SAMTOR: variants seen among roughly 807,000 people sequenced by gnomAD.
SAMTOR encodes UPF0532 protein C7orf60.
chr7:112,867,397 T>G, the SAMTOR span, among the ~76,000 whole-genome samples: 1 of 149,062 alleles, frequency 6.7e-6, no homozygotes, highest in Admixed American at 6.6e-5. Context: ...GCATGAGGCA[T>G]AATTAATAAT....
the SAMTOR span, among the ~76,000 whole-genome samples, chr7:112,884,204 T>C: frequency 3.3e-5 from 5 of 152,180 alleles, no homozygotes; most frequent in African/African-American, 7.2e-5. Flanking sequence ...GTGGGGATTA[T>C]AGGAACTAGA....
the SAMTOR span, among the ~76,000 whole-genome samples, chr7:112,833,785 T>C: frequency 1.3e-5 from 2 of 152,198 alleles, no homozygotes; most frequent in African/African-American, 2.4e-5. Context: ...GTCAGCAATA[T>C]ACTAAGCCTA....
At chr7:112,847,528 C>T in the SAMTOR span, among the ~76,000 whole-genome samples, 3 of 150,968 alleles carry the variant, frequency 2.0e-5, no homozygotes, top group Non-Finnish European at 4.4e-5. Context: ...CCTGTAATCC[C>T]AGCATTTTGA....
the SAMTOR span, among the ~76,000 whole-genome samples, chr7:112,878,191 C>T: frequency 2.0e-5 from 3 of 152,104 alleles, no homozygotes; most frequent in Non-Finnish European, 4.4e-5. Flanking sequence ...ACTGCTTCAT[C>T]CATGACATTT....
the SAMTOR span, among the ~76,000 whole-genome samples, chr7:112,924,806 A>C: frequency 1.4e-5 from 1 of 73,814 alleles, no homozygotes; most frequent in Admixed American, 1.7e-4. Context: ...ATTTTAATAT[A>C]ATGGCCAATG....
the SAMTOR span, among the ~76,000 whole-genome samples, chr7:112,913,481 C>A: frequency 3.3e-5 from 5 of 152,136 alleles, no homozygotes; most frequent in African/African-American, 1.2e-4. Context: ...CCCTTACTGA[C>A]ACCCTTGCCC....
At chr7:112,874,574 A>G in the SAMTOR span, among the ~76,000 whole-genome samples, 1 of 152,124 alleles carries the variant, frequency 6.6e-6, no homozygotes, top group South Asian at 2.1e-4. Context: ...GTATCAAGAG[A>G]AGCCCAAACC....
At chr7:112,863,587 GAAA>G in the SAMTOR span, among the ~76,000 whole-genome samples, 2 of 149,420 alleles carry the variant, frequency 1.3e-5, no homozygotes, top group African/African-American at 4.9e-5. Context: ...AAATTTACAA[GAAA>G]AAAAACAACT....
At chr7:112,825,719 T>C in the SAMTOR span, among the ~76,000 whole-genome samples, 1 of 152,212 alleles carries the variant, frequency 6.6e-6, no homozygotes, top group Non-Finnish European at 1.5e-5. Flanking sequence ...AAATGCTAAA[T>C]AGAAGCTGTA....
chr7:112,826,794 T>G, the SAMTOR span, among the ~76,000 whole-genome samples: 2 of 152,188 alleles, frequency 1.3e-5, no homozygotes, highest in African/African-American at 4.8e-5. Flanking sequence ...TCTATGCATT[T>G]TGATATCTTG....
the SAMTOR span, among the ~76,000 whole-genome samples, chr7:112,866,465 T>C: frequency 1.3e-5 from 2 of 152,218 alleles, no homozygotes; most frequent in Non-Finnish European, 2.9e-5. Context: ...AAGCCACCTC[T>C]GCCTTTGGCC....
the SAMTOR span, among the ~76,000 whole-genome samples, chr7:112,938,264 T>A: frequency 6.6e-6 from 1 of 152,196 alleles, no homozygotes; most frequent in Non-Finnish European, 1.5e-5. Context: ...TTTACCATCC[T>A]AAGTAGGTCT....
the SAMTOR span, among the ~76,000 whole-genome samples, chr7:112,885,474 C>G: frequency 0.022 from 3,425 of 152,256 alleles, 65 homozygotes; most frequent in Admixed American, 0.042. Context: ...CTTAAATCAT[C>G]TCTCTCAAGT....
the SAMTOR span, among the ~76,000 whole-genome samples, chr7:112,864,345 C>A: frequency 1.2e-4 from 18 of 152,120 alleles, no homozygotes; most frequent in African/African-American, 4.3e-4. Flanking sequence ...CACAAGTTTA[C>A]CTATGTAACA....
At chr7:112,874,644 C>A in the SAMTOR span, among the ~76,000 whole-genome samples, 1 of 152,014 alleles carries the variant, frequency 6.6e-6, no homozygotes, top group South Asian at 2.1e-4. Flanking sequence ...ATAAAGCAAC[C>A]AAGAGTAATA....
the SAMTOR span, among the ~76,000 whole-genome samples, chr7:112,873,798 G>T: frequency 6.6e-6 from 1 of 152,154 alleles, no homozygotes; most frequent in South Asian, 2.1e-4. Flanking sequence ...GAAAATATTT[G>T]CAAACTATGG....
the SAMTOR span, among the ~76,000 whole-genome samples, chr7:112,921,909 G>C: frequency 2.9e-4 from 44 of 151,588 alleles, no homozygotes; most frequent in Admixed American, 6.6e-4. Flanking sequence ...ACACCACTTA[G>C]AATGGTTATC....
the SAMTOR span, among the ~76,000 whole-genome samples, chr7:112,843,630 T>C: frequency 6.6e-6 from 1 of 151,746 alleles, no homozygotes; most frequent in Non-Finnish European, 1.5e-5. Context: ...TAATGAGCTC[T>C]ACAGTTGAAT....
the SAMTOR span, among the ~76,000 whole-genome samples, chr7:112,884,164 T>C: frequency 6.6e-6 from 1 of 152,088 alleles, no homozygotes; most frequent in African/African-American, 2.4e-5. Flanking sequence ...CATTATTCAA[T>C]TACCTTCCAC....
Sources: gnomAD v4.1 joint callset for allele counts (sites outside exome capture counted in the v4.1 genomes callset) on GRCh38, gnomAD v4.1.1 for gene constraint, MANE v1.5 for transcripts, NCBI Gene and HGNC (gene_info 2026-07-23, HGNC 2026-07-21) for gene names.